The following E2F7 variants were observed in gnomAD, a reference collection of about 807,000 sequenced individuals.
E2F7 encodes E2F transcription factor 7.
Under a neutral mutation model 81.1 loss-of-function variants are expected in E2F7, and 35 were observed. The observed-to-expected ratio is 0.43, with a 90% CI of 0.33 to 0.57. The LOEUF (loss-of-function observed/expected upper bound fraction) is 0.57, where lower values mean the gene tolerates loss of function less well. E2F7 is among the 20% of genes least tolerant of loss of function. E2F7 has a pLI of 0.04. For synonymous variants in E2F7, 416 were observed against 416.2 expected, an observed-to-expected ratio of 1.00 and a Z score of 0.01; for missense variants, 961 against 1,093.7, an observed-to-expected ratio of 0.88 and a Z score of 1.71.
chr12:77,033,461 G>A (rs541081799), intron 8 of E2F7, among the ~76,000 whole-genome samples: 91 of 152,234 alleles, frequency 6.0e-4, no homozygotes, highest in African/African-American at 2.0e-3. Flanking sequence ...GCAGTGAGCC[G>A]TGATCATGCC....
chr12:77,056,141 A>G lies in E2F7; in HGVS notation c.94-11T>C, dbSNP rs1215116913. On this transcript the variant is annotated splice_polypyrimidine_tract_variant and intron_variant, in intron 2 of 12. Coordinates refer to ENST00000322886, the MANE Select transcript of E2F7 (RefSeq NM_203394.3). ...AACAAATATATTTTCCTATTTTAAA[A>G]AAGAAACTTTTAGCAAGAATGAGAA... 1 of 1,580,956 alleles carries G rather than the reference A, an allele frequency of 6.3e-7. No homozygotes were observed. Among genetic ancestry groups the G allele is most frequent in the African/African-American group, 1.4e-5 (1 of 73,032 alleles).
intron 3 of E2F7, among the ~76,000 whole-genome samples, chr12:77,055,230 A>T (rs1955022315): frequency 6.6e-6 from 1 of 152,088 alleles, no homozygotes; most frequent in Admixed American, 6.6e-5. Context: ...CAATTTCTTC[A>T]TTTTGGCAAT....
intron 7 of E2F7, among the ~76,000 whole-genome samples, chr12:77,037,521 G>A (rs1954862217): frequency 6.6e-6 from 1 of 152,192 alleles, no homozygotes; most frequent in Non-Finnish European, 1.5e-5. Flanking sequence ...CAAAGGCCAG[G>A]CAGGGAGAAA....
intron 10 of E2F7, among the ~76,000 whole-genome samples, chr12:77,028,498 C>T (rs1241625680): frequency 2.0e-5 from 3 of 149,992 alleles, no homozygotes; most frequent in South Asian, 4.2e-4. Flanking sequence ...GACAGAGTCT[C>T]GCTCTGTCAC....
chr12:77,062,041 C>A (rs1279938749), intron 2 of E2F7, among the ~76,000 whole-genome samples: 1 of 151,042 alleles, frequency 6.6e-6, no homozygotes, highest in African/African-American at 2.4e-5. Context: ...TAGCACTCAC[C>A]AAATCACAGT....
rs1954715883 is a variant in E2F7 at position 77,022,031 on chromosome 12, C to G, written c.*1984G>C. ...TGAGGTTAAATGGTCATATCATGAT[C>G]AGAATAATAAAAAAAGATAGCAAAA... On this transcript the variant is annotated 3_prime_UTR_variant, in exon 13 of 13. Transcript: ENST00000322886. The G allele has an allele frequency of 6.6e-6, 1 of 151,946 alleles. No individual in the cohort carries two copies. The highest frequency in any genetic ancestry group is 1.5e-5 in the Non-Finnish European group (1 of 67,988). 9.4% of individuals were successfully genotyped at this position (151,946 alleles called of 1,614,324 possible).
At chr12:77,033,787 GTGC>G in intron 8 of E2F7, 67 bp downstream of exon 8, 1 of 1,425,358 alleles carries the variant, frequency 7.0e-7, no homozygotes, top group Non-Finnish European at 9.3e-7. Flanking sequence ...CAGCACGTGG[GTGC>G]TGCACTGGCA....
At chr12:77,057,398 C>T (rs185747127) in intron 2 of E2F7, among the ~76,000 whole-genome samples, 134 of 151,970 alleles carry the variant, frequency 8.8e-4, no homozygotes, top group African/African-American at 2.9e-3. Flanking sequence ...TTGTAGAGAT[C>T]GGGGTCTCAC....
At position 77,033,119 on chromosome 12, in the gene E2F7, G is replaced by A; in HGVS notation, c.1313C>T (p.Ser438Leu). The change falls in exon 9 of 13, where the codon TCA becomes TTA. Residue 438 changes from serine (S) to leucine (L), a missense_variant. Coordinates refer to ENST00000322886, the MANE Select transcript of E2F7 (RefSeq NM_203394.3). ...PSSPYREEQG[S>L]GGYSLEIGSL... Reference sequence around the variant, plus strand: ...TCCAATTTCTAAAGAGTAGCCACCTGATCCTGAAAAGGAAGATGAAGGCTT... The same window carrying A: ...TCCAATTTCTAAAGAGTAGCCACCTAATCCTGAAAAGGAAGATGAAGGCTT... 6.2e-7 allele frequency: 1 copy of A among 1,613,660 alleles called. No individual in the cohort carries two copies. Among genetic ancestry groups the A allele is most frequent in the Non-Finnish European group, 8.5e-7 (1 of 1,179,902 alleles).
In E2F7 at chr12:77,043,106, G is replaced by C; in HGVS notation, c.1082C>G (p.Pro361Arg). Residue 361 changes from proline (P) to arginine (R), a missense_variant, in exon 7 of 13, where the codon CCA (proline) becomes CGA (arginine). By Grantham distance (103) the Pro-to-Arg change is moderately radical (BLOSUM62 -2). Around this residue, in one of 3 missense-constraint regions of E2F7, gnomAD observed 301 missense variants for 405.0 expected, o/e 0.74. Coordinates refer to ENST00000322886, the MANE Select transcript of E2F7 (RefSeq NM_203394.3). Reference protein sequence around the residue: ...VHVTEERGRKPAFKWIGPVDF... With the variant: ...VHVTEERGRKRAFKWIGPVDF... The stretch of plus-strand genomic sequence containing the variant: ...CACAGGCCCGATCCACTTGAAGGCT[G>C]GTTTACGACCTCGCTCTTCTGTTAC... 1 of 1,614,092 alleles carries C rather than the reference G, an allele frequency of 6.2e-7. No individual in the cohort carries two copies. Among genetic ancestry groups the C allele is most frequent in the Non-Finnish European group, 8.5e-7 (1 of 1,179,998 alleles).
At chr12:77,027,304 T>G (rs1349714432) in intron 11 of E2F7, among the ~76,000 whole-genome samples, 1 of 152,226 alleles carries the variant, frequency 6.6e-6, no homozygotes, top group Non-Finnish European at 1.5e-5. Flanking sequence ...TTATTGAGTC[T>G]TACTAAGTGC....
rs1173814178 is a variant in E2F7, at chr12:77,046,300, A to C, written c.567T>G (p.Ile189Met). The change falls in exon 5 of 13, where the codon ATT becomes ATG. Residue 189 changes from isoleucine (I) to methionine (M), a missense_variant. Ile to Met is a conservative substitution (Grantham distance 10). Around this residue, in one of 3 missense-constraint regions of E2F7, gnomAD observed 301 missense variants for 405.0 expected, o/e 0.74. Coordinates refer to ENST00000322886, the MANE Select transcript of E2F7 (RefSeq NM_203394.3). ...GATGCAGCGACTCCAGCACATTTAC[A>C]ATGTCATAGATGCGTCTCCTTTCCA... ...LGVERRRIYDIVNVLESLHLV... is the reference protein window; with the variant it reads ...LGVERRRIYDMVNVLESLHLV... 1 of 1,614,084 alleles carries C rather than the reference A, an allele frequency of 6.2e-7. No individual in the cohort carries two copies. The highest frequency in any genetic ancestry group is 1.1e-5 in the South Asian group (1 of 91,078).
Position 77,033,114 on chromosome 12 carries a change from C to T in E2F7, c.1318G>A (p.Gly440Ser). ...AGGCTTCCAATTTCTAAAGAGTAGC[C>T]ACCTGATCCTGAAAAGGAAGATGAA... ...SPYREEQGSG[G>S]YSLEIGSLAA... Residue 440 changes from glycine (G) to serine (S), a missense_variant, in exon 9 of 13, where the codon GGC becomes AGC. Around this residue, in one of 3 missense-constraint regions of E2F7, gnomAD observed 587 missense variants for 620.3 expected, o/e 0.95. Coordinates refer to ENST00000322886, the MANE Select transcript of E2F7 (RefSeq NM_203394.3). The T allele has an allele frequency of 6.2e-7, 1 of 1,613,676 alleles. No homozygotes were observed. The highest frequency in any genetic ancestry group is 8.5e-7 in the Non-Finnish European group (1 of 1,179,900).
intron 6 of E2F7, among the ~76,000 whole-genome samples, chr12:77,043,975 C>T (rs1319510444): frequency 1.3e-5 from 2 of 152,198 alleles, no homozygotes; most frequent in African/African-American, 2.4e-5. Flanking sequence ...AAATAGGAAG[C>T]ATTCACCCTG....
intron 2 of E2F7, among the ~76,000 whole-genome samples, chr12:77,059,479 A>G (rs532073221): frequency 2.6e-5 from 4 of 152,202 alleles, no homozygotes; most frequent in Non-Finnish European, 4.4e-5. Flanking sequence ...GAAAGTATCT[A>G]TCTCCAAGGT....
chr12:77,050,169 T>C (rs962956769), intron 4 of E2F7, among the ~76,000 whole-genome samples: 1 of 152,198 alleles, frequency 6.6e-6, no homozygotes, highest in African/African-American at 2.4e-5. Context: ...CTCTCAAATC[T>C]TGCTTTACAA....
intron 1 of E2F7, 138 bp from the exon 2 acceptor site, chr12:77,064,773 G>T (rs1291059574): frequency 1.3e-5 from 9 of 672,502 alleles, no homozygotes; most frequent in Non-Finnish European, 2.0e-5. Flanking sequence ...ATTTCCAGGA[G>T]TTGTAGCCAC....
chr12:77,040,630 G>C (rs1175321807), intron 7 of E2F7, among the ~76,000 whole-genome samples: 2 of 152,156 alleles, frequency 1.3e-5, no homozygotes, highest in Non-Finnish European at 2.9e-5. Context: ...AAAAATTATA[G>C]AAAATACAAA....
chr12:77,059,777 T>C (rs1042127739), intron 2 of E2F7, among the ~76,000 whole-genome samples: 1 of 151,908 alleles, frequency 6.6e-6, no homozygotes, highest in African/African-American at 2.4e-5. Flanking sequence ...GCTAACACGG[T>C]GAAACTTTGT....
Sources: allele counts gnomAD v4.1 joint callset (sites outside exome capture counted in the v4.1 genomes callset), GRCh38; gene constraint gnomAD v4.1.1; regional missense constraint gnomAD v4.1.1; transcripts MANE v1.5; gene names NCBI Gene and HGNC (gene_info 2026-07-23, HGNC 2026-07-21).